RGS7: variants seen among roughly 807,000 people sequenced by gnomAD.
RGS7 encodes the protein regulator of G protein signaling 7.
A neutral mutation model predicts 81.1 loss-of-function variants in RGS7; 27 were observed. The ratio of observed to expected loss-of-function variants is 0.33; its 90% CI spans 0.25 to 0.46. The LOEUF is 0.46. Among genes scored for constraint, RGS7 ranks in the 20% least tolerant of loss-of-function variants. The pLI, the probability that RGS7 is intolerant of heterozygous loss-of-function variation, is 1.00. For missense variants in RGS7, 396 were observed against 607.4 expected (o/e 0.65, Z 3.66); for synonymous variants, 208 against 207.7 (o/e 1.00, Z -0.01).
intron 6 of RGS7, among the ~76,000 whole-genome samples, chr1:240,909,554 A>G (rs1158509999): frequency 6.6e-6 from 1 of 152,196 alleles, no homozygotes. Flanking sequence ...TTTGAAACTC[A>G]GCTCTAAATG....
chr1:241,296,838 T>G (rs781155793), intron 2 of RGS7, among the ~76,000 whole-genome samples: 17 of 152,214 alleles, frequency 1.1e-4, no homozygotes, highest in South Asian at 8.3e-4. Context: ...TGTCATGCAG[T>G]AAGGTAGCAG....
intron 6 of RGS7, among the ~76,000 whole-genome samples, chr1:240,925,807 G>C (rs1674341786): frequency 6.6e-6 from 1 of 151,988 alleles, no homozygotes; most frequent in African/African-American, 2.4e-5. Context: ...TGATTTTTTA[G>C]TAACAGCCAT....
At chr1:241,013,056 T>A in intron 3 of RGS7, among the ~76,000 whole-genome samples, 1 of 17,200 alleles carries the variant, frequency 5.8e-5, no homozygotes, top group Admixed American at 1.2e-3. Flanking sequence ...ACCCCTCCTT[T>A]TTTTTTTTTT....
At chr1:241,012,822 G>T (rs561714870) in intron 3 of RGS7, among the ~76,000 whole-genome samples, 5 of 152,138 alleles carry the variant, frequency 3.3e-5, no homozygotes, top group Non-Finnish European at 7.4e-5. Context: ...AAAAGTCTGG[G>T]ACTTTTAAAG....
chr1:241,151,315 A>T (rs1238331363), intron 2 of RGS7, among the ~76,000 whole-genome samples: 1 of 152,160 alleles, frequency 6.6e-6, no homozygotes, highest in Admixed American at 6.5e-5. Context: ...GCCTGAAGAG[A>T]GGGCAACAAC....
chr1:240,969,335 C>T (rs1412827235), intron 4 of RGS7, among the ~76,000 whole-genome samples: 2 of 152,206 alleles, frequency 1.3e-5, no homozygotes, highest in East Asian at 1.9e-4. Context: ...CAGCCAGCTA[C>T]TGGAAGAATC....
At chr1:240,807,476 A>G (rs1689064378) in intron 14 of RGS7, among the ~76,000 whole-genome samples, 2 of 152,200 alleles carry the variant, frequency 1.3e-5, no homozygotes, top group Admixed American at 1.3e-4. Flanking sequence ...CTTCGTAACT[A>G]CTAAGCTTTA....
intron 2 of RGS7, among the ~76,000 whole-genome samples, chr1:241,278,329 T>C (rs1365791778): frequency 6.6e-6 from 1 of 152,246 alleles, no homozygotes; most frequent in Non-Finnish European, 1.5e-5. Flanking sequence ...ATATTTTGCA[T>C]TGGGAAGATT....
intron 2 of RGS7, among the ~76,000 whole-genome samples, chr1:241,286,134 C>A (rs1234663801): frequency 1.3e-5 from 2 of 152,164 alleles, no homozygotes. Flanking sequence ...TCCATTCTCT[C>A]AGCCTTTAGC....
intron 6 of RGS7, among the ~76,000 whole-genome samples, chr1:240,907,759 C>T (rs1015723180): frequency 2.6e-5 from 4 of 152,126 alleles, no homozygotes; most frequent in African/African-American, 9.7e-5. Context: ...TCTGTTTCCC[C>T]TCACCCCTCA....
intron 2 of RGS7, among the ~76,000 whole-genome samples, chr1:241,284,819 G>A (rs181584874): frequency 6.6e-6 from 1 of 152,112 alleles, no homozygotes; most frequent in Admixed American, 6.6e-5. Context: ...TGTTTGGCTG[G>A]AGTAAAGTGG....
At chr1:241,250,751 A>T (rs553647650) in intron 2 of RGS7, among the ~76,000 whole-genome samples, 7 of 152,234 alleles carry the variant, frequency 4.6e-5, no homozygotes, top group Non-Finnish European at 7.3e-5. Flanking sequence ...CAAGTAACAA[A>T]TATAAAATCT....
chr1:241,248,032 T>A (rs1055084588), intron 2 of RGS7, among the ~76,000 whole-genome samples: 4 of 152,204 alleles, frequency 2.6e-5, no homozygotes, highest in Admixed American at 2.6e-4. Context: ...TGTTAAAATG[T>A]CCAAATATCT....
At chr1:241,310,448 T>G (rs763692054) in intron 2 of RGS7, among the ~76,000 whole-genome samples, 2 of 111,584 alleles carry the variant, frequency 1.8e-5, no homozygotes, top group African/African-American at 5.5e-5. Flanking sequence ...TGTGTGTGAG[T>G]GTGTGTGTGT....
intron 2 of RGS7, among the ~76,000 whole-genome samples, chr1:241,239,140 G>A (rs921327509): frequency 8.6e-5 from 13 of 151,398 alleles, no homozygotes; most frequent in Admixed American, 6.6e-5. Flanking sequence ...GGCTAATTTT[G>A]TGTATTTTTA....
chr1:241,129,056 G>A (rs145788531), intron 2 of RGS7, among the ~76,000 whole-genome samples: 3,824 of 152,132 alleles, frequency 0.025, 69 homozygotes, highest in Middle Eastern at 0.048. Flanking sequence ...CATAACTTTA[G>A]ATAATTTCTC....
chr1:240,819,539 A>C (rs936174715), intron 10 of RGS7, among the ~76,000 whole-genome samples: 1 of 152,084 alleles, frequency 6.6e-6, no homozygotes, highest in Non-Finnish European at 1.5e-5. Context: ...AGGAGATAGA[A>C]ACCACTCTGG....
At chr1:241,346,906 CAA>C (rs1426337237) in intron 2 of RGS7, among the ~76,000 whole-genome samples, 1 of 151,998 alleles carries the variant, frequency 6.6e-6, no homozygotes, top group African/African-American at 2.4e-5. Context: ...TAGAAAAGTT[CAA>C]AGAGAAAAAA....
chr1:241,037,492 G>A lies in RGS7; in HGVS notation c.176-54363C>T, dbSNP rs113954189. Reference sequence around the variant, plus strand: ...TCCCAGCACTTTGGGAGGCCGAGGCGGGCAGATCACAAGGTCAGGAGTTCG... The same window carrying A: ...TCCCAGCACTTTGGGAGGCCGAGGCAGGCAGATCACAAGGTCAGGAGTTCG... On this transcript the variant is annotated intron_variant, in intron 3 of 18. Transcript: ENST00000440928. 9.2e-3 allele frequency among the ~76,000 whole-genome samples: 1,404 copies of A among 152,096 alleles called. 18 individuals carry two copies. The highest frequency in any genetic ancestry group is 0.032 in the African/African-American group (1,334 of 41,474).
Sources: allele counts gnomAD v4.1 joint callset (sites outside exome capture counted in the v4.1 genomes callset), GRCh38; gene constraint gnomAD v4.1.1; transcripts MANE v1.5; gene names NCBI Gene and HGNC (gene_info 2026-07-23, HGNC 2026-07-21).